The following SPMIP4 variants were observed in gnomAD, a reference collection of about 807,000 sequenced individuals.
The protein encoded by SPMIP4 is sperm microtubule inner protein 4.
At chr7:25,168,236 A>G in the SPMIP4 span, 1 of 1,516,602 alleles carries the variant, frequency 6.6e-7, no homozygotes, top group South Asian at 1.3e-5. Context: ...CAATGGAAGT[A>G]AAGAAAAATG....
At chr7:25,179,106 C>G in the SPMIP4 span, 3 of 1,447,982 alleles carry the variant, frequency 2.1e-6, no homozygotes, top group Non-Finnish European at 2.8e-6. Flanking sequence ...TGTTTTTCCT[C>G]ACATAATAAA....
chr7:25,173,341 C>T, the SPMIP4 span, among the ~76,000 whole-genome samples: 1 of 152,216 alleles, frequency 6.6e-6, no homozygotes, highest in Non-Finnish European at 1.5e-5. The surrounding 1 kb of genome is among the most constrained non-coding windows in gnomAD (Gnocchi z 4.4). Context: ...TGGGCCAAAT[C>T]CAACTCCCTG....
chr7:25,165,823 C>T, the SPMIP4 span, among the ~76,000 whole-genome samples: 25 of 152,338 alleles, frequency 1.6e-4, no homozygotes, highest in East Asian at 5.8e-4. Flanking sequence ...GAAAAGCATG[C>T]TATTGTTGCT....
chr7:25,165,889 CCT>C, the SPMIP4 span, among the ~76,000 whole-genome samples: 1 of 152,062 alleles, frequency 6.6e-6, no homozygotes, highest in South Asian at 2.1e-4. Flanking sequence ...TTTACAATAC[CCT>C]CTCTACATTT....
At chr7:25,130,370 T>C in the SPMIP4 span, among the ~76,000 whole-genome samples, 3 of 146,456 alleles carry the variant, frequency 2.0e-5, no homozygotes, top group South Asian at 4.4e-4. Context: ...TGTAGTACAA[T>C]TGCGCGATCT....
At chr7:25,167,391 AT>A in the SPMIP4 span, among the ~76,000 whole-genome samples, 1 of 152,228 alleles carries the variant, frequency 6.6e-6, no homozygotes, top group Non-Finnish European at 1.5e-5. Context: ...TCAGAAAGAC[AT>A]TACAGTTCCA....
At chr7:25,131,654 G>A in the SPMIP4 span, among the ~76,000 whole-genome samples, 2 of 152,242 alleles carry the variant, frequency 1.3e-5, no homozygotes, top group African/African-American at 4.8e-5. The surrounding 1 kb of genome is among the most constrained non-coding windows in gnomAD (Gnocchi z 4.2). Context: ...CAAGATGGTG[G>A]CAAGCCTCGT....
chr7:25,168,425 G>A, the SPMIP4 span: 2 of 1,608,162 alleles, frequency 1.2e-6, no homozygotes, highest in Non-Finnish European at 1.7e-6. Flanking sequence ...GCGCCCCAAG[G>A]AAGCCTACAT....
the SPMIP4 span, among the ~76,000 whole-genome samples, chr7:25,130,125 G>A: frequency 6.6e-6 from 1 of 151,878 alleles, no homozygotes; most frequent in South Asian, 2.1e-4. Flanking sequence ...TGTAATCCCA[G>A]CTACTTGGGA....
At chr7:25,169,255 A>G in the SPMIP4 span, among the ~76,000 whole-genome samples, 1 of 151,684 alleles carries the variant, frequency 6.6e-6, no homozygotes, top group Non-Finnish European at 1.5e-5. Context: ...ATTAAAAAAT[A>G]AAGTGTATAA....
chr7:25,127,282 A>ATC, the SPMIP4 span, among the ~76,000 whole-genome samples: 1 of 152,036 alleles, frequency 6.6e-6, no homozygotes, highest in Admixed American at 6.5e-5. Flanking sequence ...TTCTACCCTG[A>ATC]TCTCTCTCTC....
At chr7:25,163,956 CAGTT>C in the SPMIP4 span, among the ~76,000 whole-genome samples, 1 of 152,170 alleles carries the variant, frequency 6.6e-6, no homozygotes, top group Non-Finnish European at 1.5e-5. This position sits in a 1 kb window ranked among gnomAD's most constrained non-coding sequence, Gnocchi z 4.4. Flanking sequence ...CATTGGGCAA[CAGTT>C]GGTTGAATTC....
At chr7:25,164,934 A>T in the SPMIP4 span, among the ~76,000 whole-genome samples, 3 of 152,194 alleles carry the variant, frequency 2.0e-5, no homozygotes, top group Non-Finnish European at 4.4e-5. Context: ...AACTCCCTCC[A>T]GGTTGCTGTG....
the SPMIP4 span, among the ~76,000 whole-genome samples, chr7:25,133,297 T>C: frequency 1.3e-5 from 2 of 152,252 alleles, no homozygotes; most frequent in African/African-American, 2.4e-5. Context: ...ATCCAGTCTC[T>C]AGATGTTAAA....
At chr7:25,148,676 T>C in the SPMIP4 span, among the ~76,000 whole-genome samples, 1 of 152,136 alleles carries the variant, frequency 6.6e-6, no homozygotes, top group Non-Finnish European at 1.5e-5. Context: ...TGTTCCGCCA[T>C]GTTGGTCAGG....
the SPMIP4 span, chr7:25,179,336 G>A: frequency 1.3e-6 from 2 of 1,594,992 alleles, no homozygotes; most frequent in South Asian, 1.1e-5. Context: ...GCACAACCTG[G>A]AAAAGAAAAG....
the SPMIP4 span, among the ~76,000 whole-genome samples, chr7:25,128,971 G>A: frequency 3.9e-5 from 6 of 152,364 alleles, no homozygotes; most frequent in African/African-American, 1.4e-4. The surrounding 1 kb of genome is among the most constrained non-coding windows in gnomAD (Gnocchi z 4.5). Context: ...CCTCCCCCTA[G>A]TGCACAGTTC....
chr7:25,144,305 A>T, the SPMIP4 span, among the ~76,000 whole-genome samples: 1 of 152,238 alleles, frequency 6.6e-6, no homozygotes, highest in Non-Finnish European at 1.5e-5. Context: ...AACAACCTGG[A>T]AGACCAGGTT....
At chr7:25,131,060 T>TC in the SPMIP4 span, among the ~76,000 whole-genome samples, 1 of 152,130 alleles carries the variant, frequency 6.6e-6, no homozygotes, top group Non-Finnish European at 1.5e-5. This position sits in a 1 kb window ranked among gnomAD's most constrained non-coding sequence, Gnocchi z 4.2. Context: ...TTACTACCAC[T>TC]CCCCTTCACG....
Sources: gnomAD v4.1 joint callset for allele counts (sites outside exome capture counted in the v4.1 genomes callset) on GRCh38, gnomAD v4.1.1 for gene constraint, Gnocchi (gnomAD v3.1) non-coding constraint, MANE v1.5 for transcripts, NCBI Gene and HGNC (gene_info 2026-07-23, HGNC 2026-07-21) for gene names.